The following BRD10 variants were observed in gnomAD, a reference collection of about 807,000 sequenced individuals.
BRD10 encodes the protein bromodomain containing 10, also known as uncharacterized bromodomain-containing protein 10.
the BRD10 span, chr9:5,922,596 G>A: frequency 2.5e-6 from 4 of 1,613,950 alleles, no homozygotes; most frequent in Non-Finnish European, 3.4e-6. Context: ...GAACAATGTT[G>A]TTCTGTACCT....
At chr9:5,947,653 T>C in the BRD10 span, among the ~76,000 whole-genome samples, 1 of 152,070 alleles carries the variant, frequency 6.6e-6, no homozygotes, top group Non-Finnish European at 1.5e-5. Context: ...CAAATTAACC[T>C]TTTATAAAAC....
chr9:5,931,979 G>C, the BRD10 span, among the ~76,000 whole-genome samples: 1 of 152,126 alleles, frequency 6.6e-6, no homozygotes, highest in African/African-American at 2.4e-5. Flanking sequence ...ATCTGCTTTG[G>C]TCAAAACATG....
chr9:5,973,051 T>TA, the BRD10 span, among the ~76,000 whole-genome samples: 1 of 152,098 alleles, frequency 6.6e-6, no homozygotes, highest in Non-Finnish European at 1.5e-5. Context: ...GATCCCTAAC[T>TA]AAAGCACAAA....
At chr9:5,883,056 G>GC in the BRD10 span, among the ~76,000 whole-genome samples, 1 of 152,110 alleles carries the variant, frequency 6.6e-6, no homozygotes, top group Non-Finnish European at 1.5e-5. Flanking sequence ...TATACCTAAT[G>GC]TAAATGACGA....
chr9:6,004,465 G>A, the BRD10 span, among the ~76,000 whole-genome samples: 1 of 152,110 alleles, frequency 6.6e-6, no homozygotes, highest in South Asian at 2.1e-4. Flanking sequence ...TAATGCTATT[G>A]GGCTGCTCTC....
At chr9:5,970,063 T>C in the BRD10 span, among the ~76,000 whole-genome samples, 4 of 152,336 alleles carry the variant, frequency 2.6e-5, no homozygotes, top group African/African-American at 9.6e-5. Context: ...AGAAGTAATA[T>C]GACTTCACAT....
At chr9:5,934,046 T>C in the BRD10 span, among the ~76,000 whole-genome samples, 1 of 152,122 alleles carries the variant, frequency 6.6e-6, no homozygotes, top group Non-Finnish European at 1.5e-5. Flanking sequence ...TTTCTTGTAA[T>C]ATTATATCTA....
the BRD10 span, among the ~76,000 whole-genome samples, chr9:5,913,581 G>A: frequency 6.6e-6 from 1 of 152,194 alleles, no homozygotes; most frequent in Non-Finnish European, 1.5e-5. Context: ...AAAACATAAA[G>A]AGGTTGTAAA....
At chr9:5,913,642 T>C in the BRD10 span, among the ~76,000 whole-genome samples, 8 of 152,256 alleles carry the variant, frequency 5.3e-5, no homozygotes, top group Non-Finnish European at 2.9e-5. Context: ...TACACTTGCC[T>C]GTCTTCTTTA....
At chr9:5,903,880 CAG>C in the BRD10 span, among the ~76,000 whole-genome samples, 80 of 150,892 alleles carry the variant, frequency 5.3e-4, 1 homozygote, top group East Asian at 0.013. Context: ...TTTTTTGAGA[CAG>C]AGTCTCGCTG....
At chr9:5,994,795 A>G in the BRD10 span, among the ~76,000 whole-genome samples, 1 of 152,276 alleles carries the variant, frequency 6.6e-6, no homozygotes, top group Non-Finnish European at 1.5e-5. Context: ...TCTGTTGTCT[A>G]ACTATAACCT....
At chr9:5,917,688 C>T in the BRD10 span, among the ~76,000 whole-genome samples, 1 of 152,180 alleles carries the variant, frequency 6.6e-6, no homozygotes, top group Non-Finnish European at 1.5e-5. Context: ...CCCATCTCTA[C>T]TAAAAATACA....
At chr9:5,883,462 CTTTT>C in the BRD10 span, among the ~76,000 whole-genome samples, 53 of 102,376 alleles carry the variant, frequency 5.2e-4, 2 homozygotes, top group East Asian at 0.013. Flanking sequence ...CCTTCTTCTT[CTTTT>C]TTTTTTTTTT....
chr9:5,922,754 C>G, the BRD10 span: 12 of 1,613,826 alleles, frequency 7.4e-6, no homozygotes, highest in Non-Finnish European at 1.0e-5. Context: ...CTTTACAGAG[C>G]TATTTTGAAG....
At chr9:5,952,392 A>G in the BRD10 span, among the ~76,000 whole-genome samples, 1 of 152,208 alleles carries the variant, frequency 6.6e-6, no homozygotes, top group Admixed American at 6.5e-5. Context: ...ACATTTTACA[A>G]TGCATATCCT....
At chr9:5,891,279 A>G in the BRD10 span, 1 of 152,186 alleles carries the variant, frequency 6.6e-6, no homozygotes, top group East Asian at 1.9e-4. Flanking sequence ...TTGCTGCACC[A>G]TTTGCCAAGG....
chr9:6,006,250 G>A, the BRD10 span, among the ~76,000 whole-genome samples: 4 of 152,200 alleles, frequency 2.6e-5, no homozygotes, highest in African/African-American at 4.8e-5. Context: ...CTCTATGAGA[G>A]AAGTACTATT....
chr9:5,894,901 C>T, the BRD10 span, among the ~76,000 whole-genome samples: 1 of 152,136 alleles, frequency 6.6e-6, no homozygotes, highest in Non-Finnish European at 1.5e-5. The surrounding 1 kb of genome is among the most constrained non-coding windows in gnomAD (Gnocchi z 4.0). Flanking sequence ...TAATAAAGGG[C>T]AAAGGGGGTT....
chr9:5,914,811 T>G, the BRD10 span, among the ~76,000 whole-genome samples: 1 of 152,158 alleles, frequency 6.6e-6, no homozygotes, highest in Non-Finnish European at 1.5e-5. Context: ...GTACTGTATT[T>G]AGGCTGAATT....
Sources: allele counts gnomAD v4.1 joint callset (sites outside exome capture counted in the v4.1 genomes callset), GRCh38; gene constraint gnomAD v4.1.1; non-coding constraint Gnocchi (gnomAD v3.1); transcripts MANE v1.5; gene names NCBI Gene and HGNC (gene_info 2026-07-23, HGNC 2026-07-21).